ARHGAP42: variants seen among roughly 807,000 people sequenced by gnomAD.
ARHGAP42 encodes the protein Rho GTPase activating protein 42.
In ARHGAP42, 63 loss-of-function variants were observed where a neutral mutation model predicts 125.0. That is an observed-to-expected ratio of 0.50 (90% CI 0.41 to 0.62). The LOEUF (loss-of-function observed/expected upper bound fraction) is 0.62, where lower values mean the gene tolerates loss of function less well. Among genes scored for constraint, ARHGAP42 ranks in the 20% least tolerant of loss-of-function variants. The probability of loss-of-function intolerance (pLI) is 0.00; values close to 1 mark genes in which losing one functional copy is unlikely to be tolerated. For missense variants in ARHGAP42, 766 were observed against 1,024.2 expected, an observed-to-expected ratio of 0.75 and a Z score of 3.44; for synonymous variants, 339 against 351.0, an observed-to-expected ratio of 0.97 and a Z score of 0.38.
At chr11:100,979,315 T>G (rs1858472869) in intron 22 of ARHGAP42, among the ~76,000 whole-genome samples, 1 of 152,192 alleles carries the variant, frequency 6.6e-6, no homozygotes, top group Non-Finnish European at 1.5e-5. Context: ...CTATAATCCT[T>G]TATACATCTT....
intron 1 of ARHGAP42, among the ~76,000 whole-genome samples, chr11:100,746,539 C>T (rs1336915925): frequency 2.0e-5 from 3 of 152,228 alleles, no homozygotes; most frequent in African/African-American, 7.2e-5. Context: ...TTTAACCAAG[C>T]ATTTACATCT....
At chr11:100,822,720 A>C (rs1184319870) in intron 3 of ARHGAP42, among the ~76,000 whole-genome samples, 1 of 152,112 alleles carries the variant, frequency 6.6e-6, no homozygotes, top group Admixed American at 6.6e-5. Flanking sequence ...CCTGTTCTAC[A>C]GTGTATGCAG....
chr11:100,699,021 CTTCT>C (rs1291021324), intron 1 of ARHGAP42, among the ~76,000 whole-genome samples: 1 of 151,558 alleles, frequency 6.6e-6, no homozygotes, highest in African/African-American at 2.4e-5. Flanking sequence ...CATTTTATTT[CTTCT>C]TTCTTTCTCT....
At chr11:100,892,905 C>T (rs1037212860) in intron 4 of ARHGAP42, among the ~76,000 whole-genome samples, 3 of 152,184 alleles carry the variant, frequency 2.0e-5, no homozygotes, top group Non-Finnish European at 4.4e-5. Flanking sequence ...ACCTAAATAT[C>T]TCAGCTTCAG....
At chr11:100,802,880 G>A (rs1644822512) in intron 3 of ARHGAP42, among the ~76,000 whole-genome samples, 1 of 152,038 alleles carries the variant, frequency 6.6e-6, no homozygotes, top group Admixed American at 6.6e-5. Flanking sequence ...GTCATGATTG[G>A]CTCCCTCTTG....
chr11:100,858,609 A>C (rs1239576488), intron 3 of ARHGAP42, among the ~76,000 whole-genome samples: 1 of 152,178 alleles, frequency 6.6e-6, no homozygotes, highest in Non-Finnish European at 1.5e-5. Context: ...TCAAACTTAC[A>C]AAAAGGTTAG....
intron 22 of ARHGAP42, among the ~76,000 whole-genome samples, chr11:100,980,555 T>C (rs1324311749): frequency 1.3e-5 from 1 of 74,960 alleles, no homozygotes; most frequent in African/African-American, 7.4e-5. Flanking sequence ...TTCTTTTTCT[T>C]CTTCTTTTTT....
At chr11:100,924,004 G>A (rs1237393304) in intron 6 of ARHGAP42, among the ~76,000 whole-genome samples, 1 of 152,112 alleles carries the variant, frequency 6.6e-6, no homozygotes, top group Non-Finnish European at 1.5e-5. Flanking sequence ...GTAAACCAAA[G>A]CTCCCAGGAG....
chr11:100,740,205 T>A (rs1218244265), intron 1 of ARHGAP42, among the ~76,000 whole-genome samples: 1 of 152,180 alleles, frequency 6.6e-6, no homozygotes, highest in Non-Finnish European at 1.5e-5. Flanking sequence ...GTTTCATGAC[T>A]TTTATTATGA....
chr11:100,782,335 G>T (rs1863335233), intron 2 of ARHGAP42, among the ~76,000 whole-genome samples: 1 of 152,130 alleles, frequency 6.6e-6, no homozygotes, highest in Admixed American at 6.5e-5. Flanking sequence ...AATCCTTTAT[G>T]CATCAAGAGA....
At chr11:100,895,017 G>A (rs540695809) in intron 4 of ARHGAP42, among the ~76,000 whole-genome samples, 4 of 152,252 alleles carry the variant, frequency 2.6e-5, no homozygotes, top group African/African-American at 9.6e-5. Context: ...AAAAATAACT[G>A]TTTGTGCTTT....
chr11:100,909,639 A>G (rs553824820), intron 4 of ARHGAP42, among the ~76,000 whole-genome samples: 1 of 152,236 alleles, frequency 6.6e-6, no homozygotes, highest in East Asian at 1.9e-4. Context: ...CCAGCCTTCT[A>G]GGATTTTTAT....
chr11:100,867,220 A>G (rs1865589992), intron 4 of ARHGAP42, among the ~76,000 whole-genome samples: 1 of 152,234 alleles, frequency 6.6e-6, no homozygotes, highest in Non-Finnish European at 1.5e-5. Context: ...GCCCCTAACA[A>G]GAGACTCAAC....
intron 10 of ARHGAP42, among the ~76,000 whole-genome samples, chr11:100,944,684 T>C (rs984861583): frequency 6.6e-6 from 1 of 152,074 alleles, no homozygotes; most frequent in African/African-American, 2.4e-5. Context: ...ATAAAAGTTA[T>C]GTTTATGCTA....
At chr11:100,903,117 G>GCGCGCGCACA (rs373508179) in intron 4 of ARHGAP42, among the ~76,000 whole-genome samples, 2 of 131,942 alleles carry the variant, frequency 1.5e-5, no homozygotes, top group East Asian at 2.3e-4. Context: ...TCCAAGATGC[G>GCGCGCGCACA]CACACACACA....
At chr11:100,709,793 G>A (rs1861531586) in intron 1 of ARHGAP42, among the ~76,000 whole-genome samples, 1 of 152,226 alleles carries the variant, frequency 6.6e-6, no homozygotes, top group Admixed American at 6.5e-5. Flanking sequence ...GTTACATTTT[G>A]AGTAAAGAAA....
At chr11:100,881,928 G>A (rs774517265) in intron 4 of ARHGAP42, among the ~76,000 whole-genome samples, 7 of 152,174 alleles carry the variant, frequency 4.6e-5, no homozygotes, top group Non-Finnish European at 1.0e-4. Flanking sequence ...CTGTTGGTAT[G>A]TAGGAGAGCT....
chr11:100,846,672 T>C (rs1179561047), intron 3 of ARHGAP42, among the ~76,000 whole-genome samples: 1 of 152,114 alleles, frequency 6.6e-6, no homozygotes, highest in Non-Finnish European at 1.5e-5. Flanking sequence ...GAAGACACAC[T>C]GTGCACACTG....
intron 2 of ARHGAP42, among the ~76,000 whole-genome samples, chr11:100,774,080 T>C (rs1203582311): frequency 6.6e-6 from 1 of 152,200 alleles, no homozygotes; most frequent in Non-Finnish European, 1.5e-5. Context: ...TTCAACACTT[T>C]TTACCCTTTA....
Sources: allele counts gnomAD v4.1 joint callset (sites outside exome capture counted in the v4.1 genomes callset), GRCh38; gene constraint gnomAD v4.1.1; transcripts MANE v1.5; gene names NCBI Gene and HGNC (gene_info 2026-07-23, HGNC 2026-07-21).